The following WASHC5 variants were observed in gnomAD, a reference collection of about 807,000 sequenced individuals.
WASHC5 encodes WASH complex subunit strumpellin.
Under a neutral mutation model 150.4 loss-of-function variants are expected in WASHC5, and 101 were observed. That is an observed-to-expected ratio of 0.67 (90% confidence interval 0.57 to 0.79). WASHC5 has a LOEUF of 0.79. Ranked by LOEUF, WASHC5 falls within the 30% of genes least tolerant of loss-of-function variation. WASHC5 has a pLI of 0.00. For synonymous variants in WASHC5, 467 were observed against 491.2 expected, an observed-to-expected ratio of 0.95 and a Z score of 0.65; for missense variants, 1,195 against 1,396.3, an observed-to-expected ratio of 0.86 and a Z score of 2.30.
intron 18 of WASHC5, among the ~76,000 whole-genome samples, chr8:125,049,552 A>C: frequency 7.7e-6 from 1 of 130,274 alleles, no homozygotes; most frequent in South Asian, 2.5e-4. Context: ...GCAAGACTTA[A>C]TCTTAAAAAA....
At chr8:125,068,204 C>T (rs368180493) in intron 9 of WASHC5, among the ~76,000 whole-genome samples, 22 of 152,304 alleles carry the variant, frequency 1.4e-4, no homozygotes, top group South Asian at 1.2e-3. Context: ...TTGAATTTCA[C>T]GAAGAGCTGC....
intron 28 of WASHC5, among the ~76,000 whole-genome samples, chr8:125,026,514 TG>T (rs780746242): frequency 1.1e-4 from 17 of 152,330 alleles, no homozygotes; most frequent in Admixed American, 7.2e-4. Context: ...GATACATATT[TG>T]CCTAAAATTT....
At chr8:125,030,237 G>A (rs994890000) in intron 27 of WASHC5, among the ~76,000 whole-genome samples, 6 of 152,188 alleles carry the variant, frequency 3.9e-5, no homozygotes, top group African/African-American at 1.4e-4. Context: ...CACCTGAACT[G>A]GAGTCCTTCC....
At chr8:125,075,460 T>C (rs889217814) in intron 7 of WASHC5, among the ~76,000 whole-genome samples, 5 of 152,228 alleles carry the variant, frequency 3.3e-5, no homozygotes, top group Admixed American at 2.0e-4. Flanking sequence ...AGGGTATTTT[T>C]TCAGGTGTGT....
chr8:125,049,609 G>A (rs113624728), intron 18 of WASHC5, among the ~76,000 whole-genome samples: 171 of 150,976 alleles, frequency 1.1e-3, no homozygotes, highest in African/African-American at 3.9e-3. Context: ...CACTCTGGGA[G>A]GCTGAGATGG....
At chr8:125,084,407 C>T (rs760870174) in intron 1 of WASHC5, among the ~76,000 whole-genome samples, 2 of 152,212 alleles carry the variant, frequency 1.3e-5, no homozygotes, top group Non-Finnish European at 2.9e-5. Flanking sequence ...AGACAAATCC[C>T]TGTACATCAT....
At chr8:125,064,410 G>A (rs1816691646) in intron 10 of WASHC5, among the ~76,000 whole-genome samples, 1 of 150,982 alleles carries the variant, frequency 6.6e-6, no homozygotes, top group Non-Finnish European at 1.5e-5. Context: ...GCAGAGATGG[G>A]GGCCTTGCTA....
intron 27 of WASHC5, among the ~76,000 whole-genome samples, chr8:125,031,589 T>C (rs1301909845): frequency 1.3e-5 from 2 of 152,080 alleles, no homozygotes; most frequent in Non-Finnish European, 2.9e-5. Flanking sequence ...TTTTACATTA[T>C]AGTGGCAAAA....
At chr8:125,081,910 T>G in intron 4 of WASHC5, 149 bp from the exon 5 acceptor site, 22 of 663,382 alleles carry the variant, frequency 3.3e-5, no homozygotes, top group East Asian at 1.1e-4. Context: ...CAAGGAGCTC[T>G]TACCTTCTTG....
chr8:125,029,280 G>A (rs1586330192), intron 27 of WASHC5, among the ~76,000 whole-genome samples: 1 of 152,116 alleles, frequency 6.6e-6, no homozygotes, highest in Non-Finnish European at 1.5e-5. Context: ...TGATCCACCC[G>A]CCCTGGCCTC....
chr8:125,041,656 A>C (rs921757709), intron 23 of WASHC5, among the ~76,000 whole-genome samples: 9 of 151,964 alleles, frequency 5.9e-5, no homozygotes, highest in African/African-American at 2.2e-4. Context: ...AAAGAAAAGG[A>C]GGGTGGCCTT....
intron 14 of WASHC5, among the ~76,000 whole-genome samples, chr8:125,057,891 T>C (rs373619229): frequency 4.6e-5 from 7 of 152,108 alleles, no homozygotes; most frequent in Non-Finnish European, 1.0e-4. Context: ...TGGGAACTTA[T>C]TAGACATGCA....
At chr8:125,087,730 CA>C (rs35178691) in intron 1 of WASHC5, among the ~76,000 whole-genome samples, 31,820 of 91,822 alleles carry the variant, frequency 0.35, 3,320 homozygotes, top group Middle Eastern at 0.54. Flanking sequence ...GACCCTCTCT[CA>C]AAAAAAAAAA....
intron 26 of WASHC5, among the ~76,000 whole-genome samples, chr8:125,034,068 G>A (rs1162805560): frequency 2.0e-5 from 3 of 151,844 alleles, no homozygotes; most frequent in Non-Finnish European, 4.4e-5. Flanking sequence ...ATTTAAAAAC[G>A]AGCATAAGAC....
intron 17 of WASHC5, among the ~76,000 whole-genome samples, chr8:125,055,141 G>A (rs1480099317): frequency 4.6e-5 from 7 of 152,042 alleles, no homozygotes; most frequent in African/African-American, 1.2e-4. Context: ...TGAGTAAAAC[G>A]GGCTGGGCAC....
At position 125,055,581 on chromosome 8, in the gene WASHC5, A is replaced by C; in HGVS notation, c.2097+10T>G. The C allele has an allele frequency of 6.3e-7, 1 of 1,579,922 alleles. No individual in the cohort carries two copies. Among genetic ancestry groups the C allele is most frequent in the South Asian group, 1.1e-5 (1 of 90,366 alleles). On this transcript the variant is annotated intron_variant, in intron 17 of 28. Transcript: ENST00000318410. Reference sequence around the variant, plus strand: ...TGGTGCGAGGCCACGCAGACTAACAAAACTGTTACCTTGATGATGCCAACC... The same window carrying C: ...TGGTGCGAGGCCACGCAGACTAACACAACTGTTACCTTGATGATGCCAACC...
At chr8:125,060,937 T>G in intron 12 of WASHC5, 145 bp downstream of exon 12, 1 of 647,126 alleles carries the variant, frequency 1.5e-6, no homozygotes, top group Non-Finnish European at 2.9e-6. Context: ...TAGGACAGTA[T>G]ACGTTACAGG....
chr8:125,081,535 G>A (rs1046689197), intron 5 of WASHC5, 126 bp downstream of exon 5: 6 of 731,870 alleles, frequency 8.2e-6, no homozygotes, highest in African/African-American at 6.9e-5. Context: ...CACTGTGCCC[G>A]GCTGAATCGT....
chr8:125,078,800 T>C lies in WASHC5; in HGVS notation c.649A>G (p.Ile217Val), dbSNP rs769329154. Residue 217 changes from isoleucine to valine, a missense_variant, in exon 6 of 29, where the codon ATC becomes GTC. Transcript: ENST00000318410. Reference protein sequence around the residue: ...YPESYFQRVPINESFISMVIG... With the variant: ...YPESYFQRVPVNESFISMVIG... ...ACCATACTGATGAAGGATTCGTTGATAGGCACTCTCTGGAAATAGCTCTCG... is the reference window on the plus strand; with the variant it reads ...ACCATACTGATGAAGGATTCGTTGACAGGCACTCTCTGGAAATAGCTCTCG... 2.2e-5 allele frequency: 36 copies of C among 1,613,912 alleles called. No homozygotes were observed. In the Admixed American group the frequency reaches 4.0e-4, roughly 18 times the overall value.
Sources: allele counts gnomAD v4.1 joint callset (sites outside exome capture counted in the v4.1 genomes callset), GRCh38; gene constraint gnomAD v4.1.1; transcripts MANE v1.5; gene names NCBI Gene and HGNC (gene_info 2026-07-23, HGNC 2026-07-21).